MBNL1: variants seen among roughly 807,000 people sequenced by gnomAD.
MBNL1 encodes muscleblind-like protein 1.
In MBNL1, 8 loss-of-function variants were observed where a neutral mutation model predicts 42.2. The ratio of observed to expected loss-of-function variants is 0.19; its 90% CI spans 0.11 to 0.34. MBNL1 has a LOEUF of 0.34. Among genes scored for constraint, MBNL1 ranks in the 10% least tolerant of loss-of-function variants. The probability of loss-of-function intolerance (pLI) is 1.00; values close to 1 mark genes in which losing one functional copy is unlikely to be tolerated. For missense variants in MBNL1, 309 were observed against 495.3 expected (o/e 0.62, Z 3.57); for synonymous variants, 169 against 173.9 (o/e 0.97, Z 0.22).
chr3:152,408,092 CAT>C (rs1203511686), intron 2 of MBNL1, among the ~76,000 whole-genome samples: 1 of 152,102 alleles, frequency 6.6e-6, no homozygotes, highest in African/African-American at 2.4e-5. Flanking sequence ...CACTGTGGCA[CAT>C]GTTTTCCTAT....
intron 2 of MBNL1, among the ~76,000 whole-genome samples, chr3:152,255,430 T>C (rs2035317167): frequency 6.6e-6 from 1 of 152,188 alleles, no homozygotes; most frequent in Non-Finnish European, 1.5e-5. Context: ...AGGAGATATT[T>C]GGTGGCTCTG....
chr3:152,400,768 T>G (rs2098180655), intron 2 of MBNL1, among the ~76,000 whole-genome samples: 1 of 152,150 alleles, frequency 6.6e-6, no homozygotes, highest in African/African-American at 2.4e-5. Flanking sequence ...GTATATGAAA[T>G]GAACTATTTG....
chr3:152,290,415 C>T (rs1351161675), intron 1 of MBNL1, among the ~76,000 whole-genome samples: 1 of 151,624 alleles, frequency 6.6e-6, no homozygotes, highest in Admixed American at 6.6e-5. Flanking sequence ...GATCTTATAA[C>T]TATTGGTTGT....
At chr3:152,254,935 T>C (rs1373932193) in intron 2 of MBNL1, among the ~76,000 whole-genome samples, 2 of 152,228 alleles carry the variant, frequency 1.3e-5, no homozygotes, top group East Asian at 1.9e-4. Flanking sequence ...GTCACACAAT[T>C]GATCCTGGTG....
At chr3:152,308,941 G>A (rs2064803543) in intron 2 of MBNL1, among the ~76,000 whole-genome samples, 1 of 151,920 alleles carries the variant, frequency 6.6e-6, no homozygotes, top group South Asian at 2.1e-4. Context: ...TATAACTTAT[G>A]TACTTCCTAT....
chr3:152,364,107 G>A (rs1205581734), intron 2 of MBNL1, among the ~76,000 whole-genome samples: 1 of 151,782 alleles, frequency 6.6e-6, no homozygotes, highest in Non-Finnish European at 1.5e-5. Context: ...TATTTTTCAT[G>A]GACAACTCCT....
chr3:152,308,280 C>A (rs1288043039), intron 2 of MBNL1, among the ~76,000 whole-genome samples: 1 of 152,154 alleles, frequency 6.6e-6, no homozygotes, highest in African/African-American at 2.4e-5. Context: ...GAGTCACAGA[C>A]CCCAGCTGCT....
At chr3:152,448,392 A>G (rs941986206) in intron 6 of MBNL1, among the ~76,000 whole-genome samples, 4 of 152,174 alleles carry the variant, frequency 2.6e-5, no homozygotes, top group African/African-American at 9.7e-5. Context: ...TTGGTAATGT[A>G]TACATAATCT....
intron 5 of MBNL1, among the ~76,000 whole-genome samples, chr3:152,446,059 G>A (rs1386637128): frequency 6.6e-6 from 1 of 151,932 alleles, no homozygotes; most frequent in Non-Finnish European, 1.5e-5. Context: ...ATAATATTGT[G>A]GCATAAACAT....
intron 1 of MBNL1, among the ~76,000 whole-genome samples, chr3:152,280,138 G>T (rs1426395339): frequency 1.3e-5 from 2 of 152,114 alleles, no homozygotes; most frequent in Non-Finnish European, 2.9e-5. Flanking sequence ...CATGTATCAT[G>T]CTATACCCTT....
At chr3:152,446,724 A>T (rs370329896) in intron 5 of MBNL1, 1 of 1,613,780 alleles carries the variant, frequency 6.2e-7, no homozygotes, top group African/African-American at 1.3e-5. Flanking sequence ...CTGTCAAATC[A>T]CTGAAGCGAC....
intron 2 of MBNL1, among the ~76,000 whole-genome samples, chr3:152,317,643 T>C (rs887441931): frequency 6.6e-6 from 1 of 152,148 alleles, no homozygotes; most frequent in African/African-American, 2.4e-5. Context: ...ATTTTTTTAA[T>C]CTTGAAATAA....
chr3:152,285,701 T>C (rs139949612), intron 1 of MBNL1, among the ~76,000 whole-genome samples: 186 of 150,484 alleles, frequency 1.2e-3, no homozygotes, highest in Admixed American at 4.3e-3. Context: ...TGATCTCATC[T>C]TACTGTGGCC....
chr3:152,271,439 C>A (rs1393879729), intron 1 of MBNL1, among the ~76,000 whole-genome samples: 1 of 152,276 alleles, frequency 6.6e-6, no homozygotes, highest in East Asian at 1.9e-4. Context: ...AATGCCCTTG[C>A]ATTTGTCACT....
At chr3:152,391,860 C>T (rs2097730366) in intron 2 of MBNL1, among the ~76,000 whole-genome samples, 1 of 152,162 alleles carries the variant, frequency 6.6e-6, no homozygotes, top group Non-Finnish European at 1.5e-5. Context: ...CCCATACCCA[C>T]CCCCATCTCA....
chr3:152,424,141 G>C (rs1262071471), intron 3 of MBNL1, among the ~76,000 whole-genome samples: 1 of 152,146 alleles, frequency 6.6e-6, no homozygotes, highest in Non-Finnish European at 1.5e-5. Context: ...AATTGTTTCT[G>C]TTTGCAGATG....
chr3:152,445,046 A>G (rs2099203058), intron 4 of MBNL1, among the ~76,000 whole-genome samples: 1 of 152,128 alleles, frequency 6.6e-6, no homozygotes, highest in Admixed American at 6.5e-5. Context: ...TTCAGATTGT[A>G]TTTTTACCAT....
At chr3:152,418,821 G>A (rs902557218) in intron 3 of MBNL1, among the ~76,000 whole-genome samples, 6 of 148,174 alleles carry the variant, frequency 4.0e-5, no homozygotes, top group Non-Finnish European at 5.9e-5. Context: ...AGTTCACACC[G>A]TTCTCTTGCC....
chr3:152,396,334 C>T (rs2097934235), intron 2 of MBNL1: 1 of 169,804 alleles, frequency 5.9e-6, no homozygotes, highest in South Asian at 1.4e-4. Flanking sequence ...GCCACTCCAC[C>T]ACCACCAGTC....
Sources: gnomAD v4.1 joint callset for allele counts (sites outside exome capture counted in the v4.1 genomes callset) on GRCh38, gnomAD v4.1.1 for gene constraint, MANE v1.5 for transcripts, NCBI Gene and HGNC (gene_info 2026-07-23, HGNC 2026-07-21) for gene names.